Variants in OTUD7B observed in about 807,000 individuals in gnomAD.
OTUD7B encodes OTU domain-containing protein 7B.
In OTUD7B, 34 loss-of-function variants were observed where a neutral mutation model predicts 82.2. The observed-to-expected ratio is 0.41, with a 90% CI of 0.31 to 0.55. The LOEUF (loss-of-function observed/expected upper bound fraction) is 0.55. OTUD7B is among the 20% of genes least tolerant of loss of function. The pLI is 0.20. For synonymous variants in OTUD7B, 398 were observed against 402.7 expected (o/e 0.99, Z 0.14); for missense variants, 944 against 1,062.1 (o/e 0.89, Z 1.55).
chr1:150,066,433 G>GA, the OTUD7B span, among the ~76,000 whole-genome samples: 152,018 of 152,064 alleles, frequency 1, 75,986 homozygotes, highest in Middle Eastern at 1. The surrounding 1 kb of genome is among the most constrained non-coding windows in gnomAD (Gnocchi z 4.6). Flanking sequence ...AAAGCTGAAA[G>GA]AAAAAAAACA....
the OTUD7B span, among the ~76,000 whole-genome samples, chr1:150,026,744 A>C: frequency 0.24 from 35,800 of 152,038 alleles, 6,757 homozygotes; most frequent in African/African-American, 0.51. Context: ...GAAAAGTGAA[A>C]AGTGAAGAGA....
upstream of OTUD7B, among the ~76,000 whole-genome samples, chr1:150,010,926 C>T (rs587650441): frequency 1.3e-5 from 2 of 152,340 alleles, no homozygotes; most frequent in African/African-American, 4.8e-5. Flanking sequence ...CCTAAAGCTC[C>T]TGGTCTGGAG....
intron 1 of OTUD7B, among the ~76,000 whole-genome samples, chr1:150,004,689 C>G: frequency 6.6e-6 from 1 of 152,124 alleles, no homozygotes; most frequent in African/African-American, 2.4e-5. Flanking sequence ...TACCCACCTT[C>G]ATTTCACTAC....
chr1:150,051,490 A>T, the OTUD7B span, among the ~76,000 whole-genome samples: 9 of 151,796 alleles, frequency 5.9e-5, no homozygotes, highest in Non-Finnish European at 1.2e-4. Context: ...CATGTTATTT[A>T]TTATTATTAT....
the OTUD7B span, among the ~76,000 whole-genome samples, chr1:150,037,416 G>A: frequency 6.6e-6 from 1 of 152,038 alleles, no homozygotes; most frequent in Non-Finnish European, 1.5e-5. Context: ...AAAGATACAC[G>A]ACATTTTGAA....
chr1:150,002,485 G>C (rs1173435061), intron 1 of OTUD7B, among the ~76,000 whole-genome samples: 1 of 152,082 alleles, frequency 6.6e-6, no homozygotes, highest in Non-Finnish European at 1.5e-5. Context: ...TTCTCAGTCA[G>C]ACCTAGGAAA....
intron 4 of OTUD7B, among the ~76,000 whole-genome samples, chr1:149,966,233 T>G (rs1275287449): frequency 6.6e-6 from 1 of 152,154 alleles, no homozygotes; most frequent in Non-Finnish European, 1.5e-5. Context: ...AACAAAGAAT[T>G]ATCTAGACCA....
chr1:149,954,395 G>A (rs1005669249), intron 7 of OTUD7B, among the ~76,000 whole-genome samples: 11 of 152,168 alleles, frequency 7.2e-5, no homozygotes, highest in African/African-American at 2.7e-4. Flanking sequence ...CAGGGATGAA[G>A]CCAACTTGAT....
chr1:150,049,554 A>G, the OTUD7B span, among the ~76,000 whole-genome samples: 112 of 151,934 alleles, frequency 7.4e-4, no homozygotes, highest in African/African-American at 2.1e-3. Context: ...CCCAAGTTCA[A>G]ATCTCAGTTT....
chr1:149,949,436 A>AT (rs1376621045), intron 9 of OTUD7B, among the ~76,000 whole-genome samples, 193 bp downstream of exon 9: 2 of 147,430 alleles, frequency 1.4e-5, no homozygotes, highest in Non-Finnish European at 3.0e-5. Flanking sequence ...AGAAGAGGGT[A>AT]TATAGGTCTT....
chr1:150,015,455 G>A (rs963429491), upstream of OTUD7B, among the ~76,000 whole-genome samples: 2 of 151,540 alleles, frequency 1.3e-5, no homozygotes, highest in Admixed American at 6.6e-5. Context: ...CACCACGCGT[G>A]GCTAATTTTT....
At chr1:150,010,090 C>T (rs1291755676) in intron 1 of OTUD7B, among the ~76,000 whole-genome samples, 1 of 152,136 alleles carries the variant, frequency 6.6e-6, no homozygotes, top group African/African-American at 2.4e-5. Context: ...CTTTATCCTA[C>T]TGTGGGGATA....
chr1:150,064,488 G>A, the OTUD7B span, among the ~76,000 whole-genome samples: 2 of 151,822 alleles, frequency 1.3e-5, no homozygotes, highest in East Asian at 1.9e-4. Context: ...CCTACCGCAC[G>A]CTTCTCAAGT....
At chr1:150,051,442 C>G in the OTUD7B span, among the ~76,000 whole-genome samples, 1 of 151,846 alleles carries the variant, frequency 6.6e-6, no homozygotes, top group Non-Finnish European at 1.5e-5. Context: ...CCATGTAAAA[C>G]TCTGTACTTT....
At chr1:149,973,847 T>C (rs1388939232) in intron 2 of OTUD7B, among the ~76,000 whole-genome samples, 3 of 130,614 alleles carry the variant, frequency 2.3e-5, no homozygotes, top group African/African-American at 8.5e-5. Context: ...GGTCCTTTTA[T>C]GCCCCTTCTA....
intron 1 of OTUD7B, among the ~76,000 whole-genome samples, chr1:150,004,961 C>G (rs1652568927): frequency 6.6e-6 from 1 of 152,058 alleles, no homozygotes; most frequent in Non-Finnish European, 1.5e-5. Flanking sequence ...CTCCTGGGTT[C>G]AAGTGATTCT....
In OTUD7B at chr1:149,944,100, G is replaced by A. The variant is rs781939731; in HGVS notation, c.2289C>T (p.Ala763=). Residue 763 remains alanine (A), a synonymous_variant, in exon 12 of 12, where the codon GCC becomes GCT. Transcript: ENST00000581312. The part of the protein sequence containing the change: ...SHSKDGLHRG[A]LLPPPYRVAD... ...CCACTCGGTAGGGGGGTGGTAACAA[G>A]GCACCCCTGTGAAGTCCATCCTTAG... 4.3e-6 allele frequency: 7 copies of A among 1,614,072 alleles called. No individual in the cohort carries two copies. In the East Asian group the frequency reaches 1.6e-4, roughly 36 times the overall value.
At chr1:150,039,962 G>A in the OTUD7B span, among the ~76,000 whole-genome samples, 1 of 152,006 alleles carries the variant, frequency 6.6e-6, no homozygotes, top group African/African-American at 2.4e-5. Context: ...TTCCTTTCCA[G>A]TATTTAACTC....
the OTUD7B span, among the ~76,000 whole-genome samples, chr1:150,059,048 C>CTTTTTTTTTTTT: frequency 2.8e-5 from 4 of 140,996 alleles, no homozygotes; most frequent in African/African-American, 8.0e-5. Flanking sequence ...TTCTTACTTT[C>CTTTTTTTTTTTT]TTTTCTTTTT....
Sources: allele counts gnomAD v4.1 joint callset (sites outside exome capture counted in the v4.1 genomes callset), GRCh38; gene constraint gnomAD v4.1.1; non-coding constraint Gnocchi (gnomAD v3.1); transcripts MANE v1.5; gene names NCBI Gene and HGNC (gene_info 2026-07-23, HGNC 2026-07-21).